Variants in TNFRSF9 observed in about 807,000 individuals in gnomAD.
The protein encoded by TNFRSF9 is TNF receptor superfamily member 9.
A neutral mutation model predicts 28.8 loss-of-function variants in TNFRSF9; 16 were observed. The ratio of observed to expected loss-of-function variants is 0.55; its 90% CI spans 0.38 to 0.84. The LOEUF (loss-of-function observed/expected upper bound fraction) is 0.84. Ranked by LOEUF, TNFRSF9 falls within the 40% of genes least tolerant of loss-of-function variation. The pLI is 0.00. For synonymous variants in TNFRSF9, 131 were observed against 117.0 expected, an observed-to-expected ratio of 1.12 and a Z score of -0.77; for missense variants, 303 against 315.0, an observed-to-expected ratio of 0.96 and a Z score of 0.29.
rs1027156762 is a variant in TNFRSF9 at position 7,933,261 on chromosome 1, G to A, written c.580C>T (p.Leu194=). 1 of 1,613,846 alleles carries A rather than the reference G, an allele frequency of 6.2e-7. No homozygotes were observed. Residue 194 remains leucine (L), a synonymous_variant, in exon 7 of 8, where the codon CTG becomes TTG. Coordinates refer to ENST00000377507, the MANE Select transcript of TNFRSF9 (RefSeq NM_001561.6). ...AGGAAGAGCAACGCAGTCGACGTCA[G>A]CGCAAGAAAGAAGGAGATGATCTGC... The part of the protein sequence containing the change: ...SPQIISFFLA[L]TSTALLFLLF...
At position 7,935,150 on chromosome 1, in the gene TNFRSF9, C is replaced by G. The variant is rs760719595; in HGVS notation, c.414-7G>C. 6.2e-7 allele frequency: 1 copy of G among 1,611,276 alleles called. No individual in the cohort carries two copies. Among genetic ancestry groups the G allele is most frequent in the East Asian group, 2.2e-5 (1 of 44,862 alleles). ...CTTTCCATCCAAAGAACAGCTTAGACAGTTCAATGAAAATAATTTAAATAA... is the reference window on the plus strand; with the variant it reads ...CTTTCCATCCAAAGAACAGCTTAGAGAGTTCAATGAAAATAATTTAAATAA... On this transcript the variant is annotated splice_polypyrimidine_tract_variant and splice_region_variant and intron_variant, in intron 5 of 7. Transcript: ENST00000377507.
intron 7 of TNFRSF9, among the ~76,000 whole-genome samples, chr1:7,924,270 T>G (rs1639603666): frequency 6.7e-6 from 1 of 148,356 alleles, no homozygotes; most frequent in Non-Finnish European, 1.5e-5. Context: ...ACCATACTTT[T>G]TATAGTTATT....
In TNFRSF9 at chr1:7,933,348, T is replaced by C. The variant is rs747661142; in HGVS notation, c.545-52A>G. 82 of 1,577,770 alleles carry C rather than the reference T, an allele frequency of 5.2e-5. 2 individuals carry two copies. The South Asian group carries it at 8.6e-4, about 17-fold the overall frequency. ...GCATGCAGAAATGTGTTGACACTCA[T>C]ACACCCATGTATATATTTACATTGG... On this transcript the variant is annotated intron_variant, in intron 6 of 7. Coordinates refer to ENST00000377507, the MANE Select transcript of TNFRSF9 (RefSeq NM_001561.6).
At chr1:7,926,546 C>T (rs9658024) in intron 7 of TNFRSF9, among the ~76,000 whole-genome samples, 2,747 of 152,202 alleles carry the variant, frequency 0.018, 88 homozygotes, top group African/African-American at 0.063. Flanking sequence ...TATCAGAATC[C>T]CAGCCGGCTT....
chr1:7,924,418 G>T (rs1364473905), intron 7 of TNFRSF9, among the ~76,000 whole-genome samples: 2 of 150,756 alleles, frequency 1.3e-5, no homozygotes, highest in Non-Finnish European at 2.9e-5. Flanking sequence ...CCTGAGCTCA[G>T]GAGTTTGAGA....
At position 7,935,925 on chromosome 1, in the gene TNFRSF9, C is replaced by T. The variant is rs780242804; in HGVS notation, c.414-782G>A. 1.2e-3 allele frequency among the ~76,000 whole-genome samples: 176 copies of T among 152,200 alleles called. 1 individual carries two copies. The highest frequency in any genetic ancestry group is 2.6e-4 in the Non-Finnish European group (18 of 68,034). ...TGAGAGTCAGTGACACACTCTTGCA[C>T]ATCTGACACGCTGAGTAAATGGTAG... On this transcript the variant is annotated intron_variant, in intron 5 of 7. Transcript: ENST00000377507.
intron 7 of TNFRSF9, among the ~76,000 whole-genome samples, chr1:7,925,845 G>A (rs1214198352): frequency 6.6e-6 from 1 of 152,162 alleles, no homozygotes; most frequent in African/African-American, 2.4e-5. Flanking sequence ...TGCAAGTCAT[G>A]GGGAGGGGCT....
At chr1:7,939,540 C>T (rs1349693989) in intron 2 of TNFRSF9, among the ~76,000 whole-genome samples, 4 of 152,180 alleles carry the variant, frequency 2.6e-5, no homozygotes, top group South Asian at 2.1e-4. Flanking sequence ...CCCTTTACTA[C>T]GCGCTTACTC....
intron 4 of TNFRSF9, 32 bp from the exon 5 acceptor site, chr1:7,937,788 G>A: frequency 1.3e-6 from 2 of 1,574,568 alleles, no homozygotes; most frequent in Non-Finnish European, 1.7e-6. Context: ...ATAATAAAAG[G>A]GAAGCATTTT....
intron 5 of TNFRSF9, 90 bp from the exon 6 acceptor site, chr1:7,935,233 T>C (rs1005429308): frequency 1.7e-5 from 25 of 1,435,308 alleles, no homozygotes; most frequent in Non-Finnish European, 2.1e-5. Context: ...CCCAATGAAG[T>C]AGCCTAGTGA....
At position 7,935,073 on chromosome 1, in the gene TNFRSF9, G is replaced by A; in HGVS notation, c.484C>T (p.Pro162Ser). The A allele has an allele frequency of 6.2e-7, 1 of 1,614,246 alleles. No homozygotes were observed. The highest frequency in any genetic ancestry group is 8.5e-7 in the Non-Finnish European group (1 of 1,180,048). ...GATGCTCCCGGAGAGAGGTCGGCTGGAGATGGTCCACAGACCACGTCCCTC... is the reference window on the plus strand; with the variant it reads ...GATGCTCCCGGAGAGAGGTCGGCTGAAGATGGTCCACAGACCACGTCCCTC... ...KERDVVCGPSPADLSPGASSV... is the reference protein window; with the variant it reads ...KERDVVCGPSSADLSPGASSV... The change falls in exon 6 of 8, where the codon CCA becomes TCA. Residue 162 changes from proline to serine, a missense_variant. Physicochemically the swap from Pro to Ser is moderately conservative, Grantham distance 74. Transcript: ENST00000377507.
chr1:7,925,797 C>T lies in TNFRSF9; in HGVS notation c.680-4874G>A, dbSNP rs143825217. On this transcript the variant is annotated intron_variant, in intron 7 of 7. Coordinates refer to ENST00000377507, the MANE Select transcript of TNFRSF9 (RefSeq NM_001561.6). The stretch of plus-strand genomic sequence containing the variant: ...TCATGCTCCTATGAGAATCTAATGC[C>T]GCTGCTGATCTGATGGGAGATGGAG... 7.9e-5 allele frequency among the ~76,000 whole-genome samples: 12 copies of T among 152,100 alleles called. No homozygotes were observed. In the East Asian group the frequency reaches 1.2e-3, roughly 15 times the overall value.
At chr1:7,940,438 G>C (rs1298706093) in intron 1 of TNFRSF9, among the ~76,000 whole-genome samples, 1 of 152,174 alleles carries the variant, frequency 6.6e-6, no homozygotes, top group African/African-American at 2.4e-5. Context: ...CTTACAAAGA[G>C]AATCTGTCAG....
intron 4 of TNFRSF9, 69 bp downstream of exon 4, chr1:7,938,124 A>G (rs1639849025): frequency 1.4e-6 from 2 of 1,387,110 alleles, no homozygotes; most frequent in African/African-American, 2.9e-5. Context: ...TTATTTTCAA[A>G]GGATCAAGAT....
chr1:7,929,967 CTTTTTTTTTT>C (rs56299901), intron 7 of TNFRSF9, among the ~76,000 whole-genome samples: 1 of 113,110 alleles, frequency 8.8e-6, no homozygotes, highest in South Asian at 2.8e-4. Flanking sequence ...GACCTAAAAC[CTTTTTTTTTT>C]TTTTTTTTTG....
intron 7 of TNFRSF9, among the ~76,000 whole-genome samples, chr1:7,927,194 C>G (rs1455790005): frequency 1.3e-5 from 2 of 152,220 alleles, no homozygotes; most frequent in Admixed American, 1.3e-4. Flanking sequence ...CAAACTCACA[C>G]TGCCCTGCCA....
At chr1:7,927,312 C>A (rs2151414201) in intron 7 of TNFRSF9, among the ~76,000 whole-genome samples, 1 of 152,292 alleles carries the variant, frequency 6.6e-6, no homozygotes, top group East Asian at 1.9e-4. Flanking sequence ...TGCTGTGAAC[C>A]AAACACCAAA....
chr1:7,926,253 C>A (rs1639648935), intron 7 of TNFRSF9, among the ~76,000 whole-genome samples: 1 of 152,172 alleles, frequency 6.6e-6, no homozygotes, highest in South Asian at 2.1e-4. Context: ...TGTTTAGCTA[C>A]ACAAATACCA....
chr1:7,938,778 T>G lies in TNFRSF9; in HGVS notation c.151A>C (p.Asn51His). 1 of 1,613,754 alleles carries G rather than the reference T, an allele frequency of 6.2e-7. No individual in the cohort carries two copies. The highest frequency in any genetic ancestry group is 1.1e-5 in the South Asian group (1 of 90,980). Reference sequence around the variant, plus strand: ...TGTCCACCTGCGCTGGAGAAACTATTTGGAGGACAGGGACTGCAAATCTGA... The same window carrying G: ...TGTCCACCTGCGCTGGAGAAACTATGTGGAGGACAGGGACTGCAAATCTGA... ...RNQICSPCPP[N>H]SFSSAGGQRT... Residue 51 changes from asparagine to histidine, a missense_variant, in exon 3 of 8, where the codon AAT (asparagine) becomes CAT (histidine). Coordinates refer to ENST00000377507, the MANE Select transcript of TNFRSF9 (RefSeq NM_001561.6).
Sources: allele counts gnomAD v4.1 joint callset (sites outside exome capture counted in the v4.1 genomes callset), GRCh38; gene constraint gnomAD v4.1.1; transcripts MANE v1.5; gene names NCBI Gene and HGNC (gene_info 2026-07-23, HGNC 2026-07-21).